The following LTBP1 variants were observed in gnomAD, a reference collection of about 807,000 sequenced individuals.
LTBP1 encodes latent transforming growth factor beta binding protein 1.
Under a neutral mutation model 207.6 loss-of-function variants are expected in LTBP1, and 129 were observed. That is an observed-to-expected ratio of 0.62 (90% CI 0.54 to 0.72). The LOEUF (loss-of-function observed/expected upper bound fraction) is 0.72, where lower values mean the gene tolerates loss of function less well. Among genes scored for constraint, LTBP1 ranks in the 30% least tolerant of loss-of-function variants. The pLI is 0.00. For synonymous variants in LTBP1, 963 were observed against 833.7 expected (o/e 1.16, Z -2.67); for missense variants, 2,281 against 2,217.2 (o/e 1.03, Z -0.58).
intron 13 of LTBP1, among the ~76,000 whole-genome samples, chr2:33,262,258 C>T (rs1173800321): frequency 6.6e-6 from 1 of 152,190 alleles, no homozygotes; most frequent in Non-Finnish European, 1.5e-5. Context: ...AATATTTTAA[C>T]TTACCATGTG....
chr2:33,186,525 A>G (rs1489888311), intron 5 of LTBP1, among the ~76,000 whole-genome samples: 2 of 152,196 alleles, frequency 1.3e-5, no homozygotes, highest in African/African-American at 2.4e-5. Context: ...TGGATTGCAA[A>G]TGGTACTTAA....
Position 33,110,561 on chromosome 2 carries a change from CT to C in LTBP1, c.864-18del, listed in dbSNP as rs1290334299. ...AAAAGCCCATTATTTAATTCCTTCTCTTTATTTTGTTTCTTCCCAGAGTGAC... is the reference window on the plus strand; with the variant it reads ...AAAAGCCCATTATTTAATTCCTTCTCTTATTTTGTTTCTTCCCAGAGTGAC... On this transcript the variant is annotated intron_variant, in intron 3 of 33. Transcript: ENST00000404816. 3 of 1,605,128 alleles carry C rather than the reference CT, an allele frequency of 1.9e-6. No homozygotes were observed. The highest frequency in any genetic ancestry group is 2.6e-6 in the Non-Finnish European group (3 of 1,174,370).
chr2:33,163,147 A>C (rs1364529103), intron 5 of LTBP1, among the ~76,000 whole-genome samples: 1 of 152,064 alleles, frequency 6.6e-6, no homozygotes, highest in Non-Finnish European at 1.5e-5. Context: ...ACGCCTGGCT[A>C]ATTGTATTTT....
chr2:33,346,684 CA>C (rs112831759), intron 25 of LTBP1, among the ~76,000 whole-genome samples: 4,465 of 127,782 alleles, frequency 0.035, 201 homozygotes, highest in African/African-American at 0.11. Flanking sequence ...GACGCCGTCT[CA>C]AAAAAAAAAA....
intron 13 of LTBP1, among the ~76,000 whole-genome samples, chr2:33,259,956 C>T (rs2092966538): frequency 6.6e-6 from 1 of 152,144 alleles, no homozygotes; most frequent in Admixed American, 6.5e-5. Context: ...GAAAGAAAGG[C>T]TGTGACATGC....
At chr2:32,960,268 T>G (rs776060337) in intron 2 of LTBP1, among the ~76,000 whole-genome samples, 18 of 152,198 alleles carry the variant, frequency 1.2e-4, no homozygotes, top group Non-Finnish European at 2.6e-4. Context: ...CTCTGAATGC[T>G]TGTCACATTG....
At chr2:33,210,111 G>C (rs2090197335) in intron 7 of LTBP1, among the ~76,000 whole-genome samples, 1 of 152,192 alleles carries the variant, frequency 6.6e-6, no homozygotes. Context: ...GTGCAGAAAA[G>C]TCTGTTTCCT....
intron 3 of LTBP1, among the ~76,000 whole-genome samples, chr2:33,064,509 A>G (rs1297123325): frequency 1.3e-5 from 2 of 152,196 alleles, no homozygotes; most frequent in Non-Finnish European, 2.9e-5. Context: ...TCATGGGGTA[A>G]TGCAGAGTAG....
Position 33,186,956 on chromosome 2 carries a change from C to G in LTBP1, c.1302C>G (p.Val434=), listed in dbSNP as rs113801394. The change falls in exon 6 of 34, where the codon GTC becomes GTG. Residue 434 remains valine, a synonymous_variant. Coordinates refer to ENST00000404816, the MANE Select transcript of LTBP1 (RefSeq NM_206943.4). The part of the protein sequence containing the change: ...NFTGKLCQIP[V]HGASVPKLYQ... ...CAGGAAAACTTTGTCAGATCCCAGT[C>G]CATGGTGCCAGCGTGCCTAAACTTT... 3 of 1,614,188 alleles carry G rather than the reference C, an allele frequency of 1.9e-6. No individual in the cohort carries two copies.
At chr2:33,049,333 C>G (rs2149485745) in intron 3 of LTBP1, among the ~76,000 whole-genome samples, 1 of 152,210 alleles carries the variant, frequency 6.6e-6, no homozygotes, top group East Asian at 1.9e-4. Flanking sequence ...TAATTTTAGC[C>G]AAAAAGCTTT....
chr2:33,003,020 C>A (rs1686265912), intron 2 of LTBP1, among the ~76,000 whole-genome samples: 1 of 152,114 alleles, frequency 6.6e-6, no homozygotes, highest in Non-Finnish European at 1.5e-5. Flanking sequence ...TTTGGTCCTT[C>A]CCTTACAATA....
intron 24 of LTBP1, among the ~76,000 whole-genome samples, chr2:33,332,026 A>G (rs2094499547): frequency 6.6e-6 from 1 of 152,056 alleles, no homozygotes; most frequent in Non-Finnish European, 1.5e-5. Flanking sequence ...ACAAGATTTT[A>G]TTTTCATTCA....
At chr2:33,329,549 C>T (rs2094470132) in intron 24 of LTBP1, among the ~76,000 whole-genome samples, 1 of 151,940 alleles carries the variant, frequency 6.6e-6, no homozygotes, top group South Asian at 2.1e-4. Flanking sequence ...TTTGTAAGGC[C>T]CCTGAAGTTT....
chr2:33,211,379 A>G (rs2090298949), intron 7 of LTBP1, among the ~76,000 whole-genome samples: 1 of 152,210 alleles, frequency 6.6e-6, no homozygotes, highest in Non-Finnish European at 1.5e-5. Context: ...CCATGTCCTG[A>G]TGCAGGTCAC....
chr2:33,101,331 T>G (rs2079724997), intron 3 of LTBP1, among the ~76,000 whole-genome samples: 1 of 152,232 alleles, frequency 6.6e-6, no homozygotes, highest in Non-Finnish European at 1.5e-5. Flanking sequence ...ACTTAGGCAG[T>G]CTTTGAATAG....
At chr2:33,364,450 G>T (rs2094960878) in intron 30 of LTBP1, 94 bp downstream of exon 30, 1 of 1,243,540 alleles carries the variant, frequency 8.0e-7, no homozygotes, top group Non-Finnish European at 1.1e-6. Context: ...TAGAAAAATG[G>T]ATTCCTTGGG....
At chr2:33,204,101 A>T (rs994888929) in intron 7 of LTBP1, among the ~76,000 whole-genome samples, 7 of 152,208 alleles carry the variant, frequency 4.6e-5, no homozygotes, top group African/African-American at 1.7e-4. Context: ...ATAAAGTTGT[A>T]GTGAGAGAAG....
chr2:33,225,725 C>T (rs140964996), intron 9 of LTBP1, among the ~76,000 whole-genome samples: 1 of 152,168 alleles, frequency 6.6e-6, no homozygotes, highest in Non-Finnish European at 1.5e-5. Flanking sequence ...CTATCTTTAA[C>T]TTTACCTCCC....
At chr2:33,392,824 G>C (rs963640912) in intron 32 of LTBP1, among the ~76,000 whole-genome samples, 4 of 149,432 alleles carry the variant, frequency 2.7e-5, no homozygotes, top group Non-Finnish European at 4.4e-5. Flanking sequence ...TATTGTCGTA[G>C]ATTAAGTCTT....
Sources: gnomAD v4.1 joint callset for allele counts (sites outside exome capture counted in the v4.1 genomes callset) on GRCh38, gnomAD v4.1.1 for gene constraint, MANE v1.5 for transcripts, NCBI Gene and HGNC (gene_info 2026-07-23, HGNC 2026-07-21) for gene names.